OSTN: variants seen among roughly 807,000 people sequenced by gnomAD.
OSTN encodes the protein osteocrin.
Under a neutral mutation model 12.0 loss-of-function variants are expected in OSTN, and 9 were observed. That is an observed-to-expected ratio of 0.75 (90% CI 0.45 to 1.30). The LOEUF is 1.30. Ranked by LOEUF, OSTN falls within the 50% of genes most tolerant of loss-of-function variation. OSTN has a pLI of 0.00. For synonymous variants in OSTN, 59 were observed against 56.9 expected (o/e 1.04, Z -0.16); for missense variants, 148 against 152.3 (o/e 0.97, Z 0.15).
chr3:191,246,523 T>C (rs1715434965), intron 3 of OSTN, among the ~76,000 whole-genome samples: 1 of 151,364 alleles, frequency 6.6e-6, no homozygotes, highest in Non-Finnish European at 1.5e-5. Flanking sequence ...GGAGAATTGC[T>C]TGAGCCCAGG....
intron 3 of OSTN, 81 bp from the exon 4 acceptor site, chr3:191,249,956 G>A: frequency 9.6e-7 from 1 of 1,046,212 alleles, no homozygotes. Flanking sequence ...AAAGCCCCCA[G>A]AGCTACATAA....
At chr3:191,212,869 T>TTC (rs1560114189) in intron 2 of OSTN, among the ~76,000 whole-genome samples, 2 of 125,522 alleles carry the variant, frequency 1.6e-5, no homozygotes, top group Non-Finnish European at 1.7e-5. Flanking sequence ...TTTTCTTTCT[T>TTC]TTTTTTTTTT....
intron 3 of OSTN, among the ~76,000 whole-genome samples, chr3:191,240,858 T>C (rs1386810722): frequency 6.6e-6 from 1 of 152,244 alleles, no homozygotes; most frequent in African/African-American, 2.4e-5. Context: ...CCGGAATAAG[T>C]GATCCAACAA....
At chr3:191,225,185 C>T (rs932074274) in intron 3 of OSTN, among the ~76,000 whole-genome samples, 4 of 152,062 alleles carry the variant, frequency 2.6e-5, no homozygotes, top group Non-Finnish European at 4.4e-5. Context: ...AACTACTATG[C>T]TCAATTCTCT....
At chr3:191,252,463 G>A (rs1020998495) in intron 4 of OSTN, among the ~76,000 whole-genome samples, 3 of 152,152 alleles carry the variant, frequency 2.0e-5, no homozygotes, top group Non-Finnish European at 2.9e-5. Flanking sequence ...TCACTGTTGG[G>A]TGAAATCCAA....
intron 3 of OSTN, among the ~76,000 whole-genome samples, chr3:191,238,771 A>T (rs1715257987): frequency 6.6e-6 from 1 of 152,186 alleles, no homozygotes; most frequent in Non-Finnish European, 1.5e-5. Flanking sequence ...TCTTTACTGC[A>T]GTCCTCTTCT....
In OSTN at chr3:191,239,506, A is replaced by G. The variant is rs570385167; in HGVS notation, c.318-10531A>G. On this transcript the variant is annotated intron_variant, in intron 3 of 4. Coordinates refer to ENST00000682035, the MANE Select transcript of OSTN (RefSeq NM_198184.2). The stretch of plus-strand genomic sequence containing the variant: ...TTAAATCTCATTATGTGATTCCAGT[A>G]CTCATGGTTTCTTTCTGAATGCCTG... Among the ~76,000 whole-genome samples, 9 of 152,268 alleles carry G rather than the reference A, an allele frequency of 5.9e-5. No homozygotes were observed. In the South Asian group the frequency reaches 1.9e-3, roughly 32 times the overall value.
At chr3:191,222,454 C>T (rs1034660658) in intron 3 of OSTN, among the ~76,000 whole-genome samples, 1 of 152,208 alleles carries the variant, frequency 6.6e-6, no homozygotes, top group Non-Finnish European at 1.5e-5. Flanking sequence ...TTCATTTTGA[C>T]CAATGTCTCC....
intron 2 of OSTN, among the ~76,000 whole-genome samples, chr3:191,214,384 G>T (rs1714546270): frequency 7.3e-6 from 1 of 136,928 alleles, no homozygotes; most frequent in South Asian, 2.4e-4. Context: ...GGAGGCAGAG[G>T]TTGCAGTGAG....
At chr3:191,239,870 C>A (rs545907105) in intron 3 of OSTN, among the ~76,000 whole-genome samples, 2 of 152,234 alleles carry the variant, frequency 1.3e-5, no homozygotes, top group African/African-American at 2.4e-5. Flanking sequence ...AGTAGTTGAG[C>A]CTGTTCAGGT....
intron 3 of OSTN, among the ~76,000 whole-genome samples, chr3:191,239,285 A>G (rs1576934620): frequency 1.3e-5 from 2 of 148,786 alleles, no homozygotes; most frequent in East Asian, 4.0e-4. Context: ...CCTCTAGAGG[A>G]TTCCATTGGT....
At chr3:191,239,326 A>T (rs75330873) in intron 3 of OSTN, among the ~76,000 whole-genome samples, 1 of 145,346 alleles carries the variant, frequency 6.9e-6, no homozygotes, top group African/African-American at 2.6e-5. Flanking sequence ...AAGGGATGAA[A>T]TAAAGTTACA....
rs557244803 is a variant in OSTN at position 191,214,883 on chromosome 3, C to T, written c.102+2249C>T. Among the ~76,000 whole-genome samples the T allele has an allele frequency of 2.0e-5, 3 of 151,854 alleles. No homozygotes were observed. The South Asian group carries it at 6.2e-4, about 32-fold the overall frequency. On this transcript the variant is annotated intron_variant, in intron 2 of 4. Coordinates refer to ENST00000682035, the MANE Select transcript of OSTN (RefSeq NM_198184.2). ...CAAAATTAGCTGGGTGTGATGGTGA[C>T]CACCCATAATCCCAGCTACTCAGGA...
chr3:191,249,808 C>A (rs190255927), intron 3 of OSTN, among the ~76,000 whole-genome samples: 1 of 152,304 alleles, frequency 6.6e-6, no homozygotes, highest in Admixed American at 6.5e-5. Flanking sequence ...AAGTTAACTT[C>A]TCTAAGCCTC....
At chr3:191,216,608 G>T (rs751645496) in intron 2 of OSTN, among the ~76,000 whole-genome samples, 1 of 151,604 alleles carries the variant, frequency 6.6e-6, no homozygotes, top group Non-Finnish European at 1.5e-5. Context: ...ATGCTTTGCT[G>T]CTTAGAAATT....
chr3:191,231,393 A>T (rs1715049951), intron 3 of OSTN, among the ~76,000 whole-genome samples: 1 of 152,078 alleles, frequency 6.6e-6, no homozygotes, highest in Non-Finnish European at 1.5e-5. Context: ...CCACAAGACT[A>T]AAATGTGACG....
chr3:191,216,177 T>G (rs959314689), intron 2 of OSTN, among the ~76,000 whole-genome samples: 7 of 152,280 alleles, frequency 4.6e-5, no homozygotes, highest in Non-Finnish European at 1.0e-4. Context: ...GCTTAAACCC[T>G]CTGAAAGAAT....
chr3:191,208,149 A>G, intron 1 of OSTN, among the ~76,000 whole-genome samples: 1 of 152,228 alleles, frequency 6.6e-6, no homozygotes, highest in Non-Finnish European at 1.5e-5. Context: ...TGTGCTAAAA[A>G]AAAATGCAAA....
At chr3:191,250,494 A>T (rs538286428) in intron 4 of OSTN, among the ~76,000 whole-genome samples, 3 of 152,312 alleles carry the variant, frequency 2.0e-5, no homozygotes, top group Admixed American at 6.5e-5. Context: ...TATGAAGAAG[A>T]CACATTCAAG....
Sources: allele counts gnomAD v4.1 joint callset (sites outside exome capture counted in the v4.1 genomes callset), GRCh38; gene constraint gnomAD v4.1.1; transcripts MANE v1.5; gene names NCBI Gene and HGNC (gene_info 2026-07-23, HGNC 2026-07-21).